The following PCDHGB7 variants were observed in gnomAD, a reference collection of about 807,000 sequenced individuals.
PCDHGB7 encodes protocadherin gamma-B7.
Under a neutral mutation model 61.4 loss-of-function variants are expected in PCDHGB7, and 37 were observed. That is an observed-to-expected ratio of 0.60 (90% CI 0.46 to 0.79). The LOEUF (loss-of-function observed/expected upper bound fraction) is 0.79. PCDHGB7 is among the 30% of genes least tolerant of loss of function. The pLI is 0.00. For missense variants in PCDHGB7, 1,166 were observed against 1,202.5 expected, an observed-to-expected ratio of 0.97 and a Z score of 0.45; for synonymous variants, 464 against 503.5, an observed-to-expected ratio of 0.92 and a Z score of 1.05.
At position 141,430,969 on chromosome 5, in the gene PCDHGB7, T is replaced by C. The variant is rs560722324; in HGVS notation, c.2415+10695T>C. The C allele has an allele frequency of 1.5e-4, 246 of 1,613,012 alleles. 3 individuals carry two copies. The South Asian group carries it at 2.6e-3, about 17-fold the overall frequency. The stretch of plus-strand genomic sequence containing the variant: ...GCGGAGTCCGCATCATCCCCAGAGG[T>C]AGGACGCAGCTTTTCGCCCTGAATC... On this transcript the variant is annotated intron_variant, in intron 1 of 3. Transcript: ENST00000398594.
In PCDHGB7 at chr5:141,431,961, A is replaced by C; in HGVS notation, c.2415+11687A>C. Reference sequence around the variant, plus strand: ...AAATTAGAAAAATCTTACGGAAATTACTATAGTTTAGTCACAGACATAGTC... The same window carrying C: ...AAATTAGAAAAATCTTACGGAAATTCCTATAGTTTAGTCACAGACATAGTC... On this transcript the variant is annotated intron_variant, in intron 1 of 3. Transcript: ENST00000398594. The surrounding 1 kb of genome is among the most constrained non-coding windows in gnomAD (Gnocchi z 4.8). 1 of 1,614,206 alleles carries C rather than the reference A, an allele frequency of 6.2e-7. No homozygotes were observed.
At chr5:141,498,321 G>A (rs1477684617) in intron 2 of PCDHGB7, among the ~76,000 whole-genome samples, 2 of 151,722 alleles carry the variant, frequency 1.3e-5, no homozygotes, top group Non-Finnish European at 2.9e-5. Flanking sequence ...CTACACAGAA[G>A]GAAGAGCATT....
chr5:141,477,857 C>T lies in PCDHGB7; in HGVS notation c.2416-16950C>T. ...AGGTGGGAGCTCGGTGGAGATGCTG[C>T]CTCGAGGTACCTCAGCTGGCCACCT... On this transcript the variant is annotated intron_variant, in intron 1 of 3. Transcript: ENST00000398594. The surrounding 1 kb of genome is among the most constrained non-coding windows in gnomAD (Gnocchi z 4.9). The T allele has an allele frequency of 6.2e-7, 1 of 1,613,574 alleles. No individual in the cohort carries two copies. The highest frequency in any genetic ancestry group is 8.5e-7 in the Non-Finnish European group (1 of 1,179,836).
intron 1 of PCDHGB7, among the ~76,000 whole-genome samples, chr5:141,430,204 AATT>A (rs1179966513): frequency 6.6e-6 from 1 of 151,962 alleles, no homozygotes; most frequent in African/African-American, 2.4e-5. Context: ...AGAAAGTTTA[AATT>A]ATTATATTAT....
Position 141,491,340 on chromosome 5 carries a change from C to T in PCDHGB7, c.2416-3467C>T, listed in dbSNP as rs772328241. The T allele has an allele frequency of 3.7e-6, 6 of 1,614,144 alleles. No individual in the cohort carries two copies. The Admixed American group carries it at 6.7e-5, about 18-fold the overall frequency. ...TTTACCTCATTGTGGCTCTAGCGAC[C>T]GTCAGTCTCTTATCCCTAGTCACCT... On this transcript the variant is annotated intron_variant, in intron 1 of 3. Transcript: ENST00000398594. This position sits in a 1 kb window ranked among gnomAD's most constrained non-coding sequence, Gnocchi z 6.9.
Position 141,491,699 on chromosome 5 carries a change from A to G in PCDHGB7, c.2416-3108A>G. The G allele has an allele frequency of 6.2e-7, 1 of 1,612,008 alleles. No individual in the cohort carries two copies. The highest frequency in any genetic ancestry group is 1.1e-5 in the South Asian group (1 of 90,926). ...TCTAATACGCTGCGGGAGCGGAGCC[A>G]GGTGAGGGGCTCGGCGCCGCCCCGG... On this transcript the variant is annotated intron_variant, in intron 1 of 3. Transcript: ENST00000398594. The surrounding 1 kb of genome is among the most constrained non-coding windows in gnomAD (Gnocchi z 6.9).
At chr5:141,437,660 G>A (rs1021986333) in intron 1 of PCDHGB7, among the ~76,000 whole-genome samples, 6 of 151,866 alleles carry the variant, frequency 4.0e-5, no homozygotes, top group Non-Finnish European at 5.9e-5. Flanking sequence ...ACATAGTTTC[G>A]AAGAGATGTT....
chr5:141,424,319 G>A (rs1014361496), intron 1 of PCDHGB7: 1 of 152,006 alleles, frequency 6.6e-6, no homozygotes, highest in African/African-American at 2.4e-5. Context: ...ATATTGACTG[G>A]CTTTTAACTA....
In PCDHGB7 at chr5:141,489,621, T is replaced by C. The variant is rs765666746; in HGVS notation, c.2416-5186T>C. 29 of 1,613,978 alleles carry C rather than the reference T, an allele frequency of 1.8e-5. No individual in the cohort carries two copies. The highest frequency in any genetic ancestry group is 1.6e-4 in the Middle Eastern group (1 of 6,084). On this transcript the variant is annotated intron_variant, in intron 1 of 3. Transcript: ENST00000398594. The surrounding 1 kb of genome is among the most constrained non-coding windows in gnomAD (Gnocchi z 4.5). ...TAGAGGTAGAGATCCTGGATCTCAATGACAACTCTCCTAGCTTTGCCACCC... is the reference window on the plus strand; with the variant it reads ...TAGAGGTAGAGATCCTGGATCTCAACGACAACTCTCCTAGCTTTGCCACCC...
intron 1 of PCDHGB7, among the ~76,000 whole-genome samples, chr5:141,492,418 C>T (rs1428695013): frequency 2.0e-5 from 3 of 152,236 alleles, no homozygotes; most frequent in Admixed American, 1.3e-4. Flanking sequence ...CCGCTCCCTC[C>T]GCCGGGCTCA....
Position 141,489,880 on chromosome 5 carries a change from G to A in PCDHGB7, c.2416-4927G>A. On this transcript the variant is annotated intron_variant, in intron 1 of 3. Transcript: ENST00000398594. The surrounding 1 kb of genome is among the most constrained non-coding windows in gnomAD (Gnocchi z 4.5). Reference sequence around the variant, plus strand: ...GGCAAGACATCAGCTGGTGCTTACTGCTGTGGATGGGGGGACCCCAGCCCG... The same window carrying A: ...GGCAAGACATCAGCTGGTGCTTACTACTGTGGATGGGGGGACCCCAGCCCG... 2 of 1,614,230 alleles carry A rather than the reference G, an allele frequency of 1.2e-6. No individual in the cohort carries two copies. The highest frequency in any genetic ancestry group is 1.7e-6 in the Non-Finnish European group (2 of 1,180,026).
chr5:141,491,316 T>C lies in PCDHGB7; in HGVS notation c.2416-3491T>C. The C allele has an allele frequency of 3.1e-6, 5 of 1,614,176 alleles. No homozygotes were observed. The highest frequency in any genetic ancestry group is 3.4e-6 in the Non-Finnish European group (4 of 1,180,004). ...CTCCTGAGCGTTCAGACCTTACCCT[T>C]TACCTCATTGTGGCTCTAGCGACCG... is the stretch of plus-strand genomic sequence containing the variant. On this transcript the variant is annotated intron_variant, in intron 1 of 3. Coordinates refer to ENST00000398594, the MANE Select transcript of PCDHGB7 (RefSeq NM_018927.4). The surrounding 1 kb of genome is among the most constrained non-coding windows in gnomAD (Gnocchi z 6.9).
intron 1 of PCDHGB7, among the ~76,000 whole-genome samples, chr5:141,475,339 T>C (rs1295364417): frequency 1.3e-5 from 2 of 152,188 alleles, no homozygotes; most frequent in Non-Finnish European, 2.9e-5. Flanking sequence ...AACAATGACA[T>C]CCAGTTTTAA....
At chr5:141,439,432 A>C (rs537630916) in intron 1 of PCDHGB7, among the ~76,000 whole-genome samples, 1 of 152,326 alleles carries the variant, frequency 6.6e-6, no homozygotes, top group African/African-American at 2.4e-5. Flanking sequence ...AATTCCCAGG[A>C]ATATTTTATT....
chr5:141,431,726 G>C lies in PCDHGB7; in HGVS notation c.2415+11452G>C. On this transcript the variant is annotated intron_variant, in intron 1 of 3. Coordinates refer to ENST00000398594, the MANE Select transcript of PCDHGB7 (RefSeq NM_018927.4). The surrounding 1 kb of genome is among the most constrained non-coding windows in gnomAD (Gnocchi z 4.8). ...CTACCAGATGGAAGTGCAAGCAATG[G>C]ATAATGCAGGATATTCTGCGCGAGC... The C allele has an allele frequency of 6.2e-7, 1 of 1,614,204 alleles. No homozygotes were observed. Among genetic ancestry groups the C allele is most frequent in the Non-Finnish European group, 8.5e-7 (1 of 1,180,032 alleles).
At chr5:141,427,870 C>T (rs773176633) in intron 1 of PCDHGB7, 86 of 1,558,630 alleles carry the variant, frequency 5.5e-5, no homozygotes, top group Non-Finnish European at 4.8e-5. Context: ...TTCGAGCTCA[C>T]GATGCAGGCC....
At chr5:141,446,669 C>T (rs554578186) in intron 1 of PCDHGB7, among the ~76,000 whole-genome samples, 2 of 152,182 alleles carry the variant, frequency 1.3e-5, no homozygotes, top group Admixed American at 1.3e-4. Flanking sequence ...TACAAGACAG[C>T]ATTTCACCAT....
chr5:141,507,716 C>T (rs567867232), intron 3 of PCDHGB7, among the ~76,000 whole-genome samples: 1 of 152,372 alleles, frequency 6.6e-6, no homozygotes, highest in South Asian at 2.1e-4. Flanking sequence ...CCCAAACCCT[C>T]CAAGCAAGTC....
intron 1 of PCDHGB7, among the ~76,000 whole-genome samples, chr5:141,433,378 T>C (rs1246585250): frequency 6.6e-5 from 10 of 151,072 alleles, no homozygotes. Context: ...TATCTATCTA[T>C]CTATCTATCT....
Sources: allele counts gnomAD v4.1 joint callset (sites outside exome capture counted in the v4.1 genomes callset), GRCh38; gene constraint gnomAD v4.1.1; non-coding constraint Gnocchi (gnomAD v3.1); transcripts MANE v1.5; gene names NCBI Gene and HGNC (gene_info 2026-07-23, HGNC 2026-07-21).